The following NCMAP variants were observed in gnomAD, a reference collection of about 807,000 sequenced individuals.
The protein encoded by NCMAP is non-compact myelin associated protein.
Under a neutral mutation model 7.8 loss-of-function variants are expected in NCMAP, and 8 were observed. The observed-to-expected ratio is 1.02, with a 90% CI of 0.60 to 1.84. NCMAP has a LOEUF of 1.84. Among genes scored for constraint, NCMAP ranks in the 40% most tolerant of loss-of-function variants. The probability of loss-of-function intolerance (pLI) is 0.00; values close to 1 mark genes in which losing one functional copy is unlikely to be tolerated. For missense variants in NCMAP, 112 were observed against 131.4 expected, an observed-to-expected ratio of 0.85 and a Z score of 0.72; for synonymous variants, 41 against 52.9, an observed-to-expected ratio of 0.78 and a Z score of 0.98.
At chr1:24,598,869 C>G (rs1293904801) in intron 2 of NCMAP, among the ~76,000 whole-genome samples, 1 of 151,108 alleles carries the variant, frequency 6.6e-6, no homozygotes, top group Non-Finnish European at 1.5e-5. Flanking sequence ...AACTCCTGAC[C>G]TCAGGTGATC....
In NCMAP at chr1:24,578,548, T is replaced by TTTTC. The variant is rs1187740917; in HGVS notation, c.-7-16864_-7-16861dup. ...GTTGGGGGAGGGAGCTTAGTTTTCT[T>TTTTC]TTTCTTTCTTTCTTTTTTTTTTTTT... is the stretch of plus-strand genomic sequence containing the variant. On this transcript the variant is annotated intron_variant, in intron 1 of 3. Coordinates refer to ENST00000374392, the MANE Select transcript of NCMAP (RefSeq NM_001010980.5). 1.1e-3 allele frequency among the ~76,000 whole-genome samples: 155 copies of TTTTC among 143,768 alleles called. 3 individuals are homozygous for TTTTC. The Middle Eastern group carries it at 0.011, about 10-fold the overall frequency. The allele number at this position is 143,768 out of a possible 152,430, so 94.3% of individuals were successfully genotyped here.
chr1:24,571,411 G>T (rs1651385866), intron 1 of NCMAP, among the ~76,000 whole-genome samples: 1 of 148,378 alleles, frequency 6.7e-6, no homozygotes, highest in East Asian at 2.0e-4. Context: ...GGAGGCAGAG[G>T]TTGCTGTGAG....
rs996081232 is a variant in NCMAP, at chr1:24,605,927, A to G, written c.*180A>G. On this transcript the variant is annotated 3_prime_UTR_variant, in exon 4 of 4. Coordinates refer to ENST00000374392, the MANE Select transcript of NCMAP (RefSeq NM_001010980.5). ...ACCTTGTCTGCCCTGCCCTACCCCAACTGTGTCCACATCCCTGCCGCCACC... is the reference window on the plus strand; with the variant it reads ...ACCTTGTCTGCCCTGCCCTACCCCAGCTGTGTCCACATCCCTGCCGCCACC... 15 of 657,692 alleles carry G rather than the reference A, an allele frequency of 2.3e-5. No homozygotes were observed. Among genetic ancestry groups the G allele is most frequent in the Admixed American group, 1.8e-4 (6 of 32,462 alleles). The allele number at this position is 657,692 out of a possible 1,614,324, so 40.7% of individuals were successfully genotyped here.
intron 1 of NCMAP, among the ~76,000 whole-genome samples, chr1:24,567,597 A>C (rs1223821082): frequency 6.6e-6 from 1 of 152,188 alleles, no homozygotes; most frequent in Non-Finnish European, 1.5e-5. Context: ...TGAGTGTAAC[A>C]AGAAGGAACT....
chr1:24,600,174 A>G (rs184364886), intron 2 of NCMAP, among the ~76,000 whole-genome samples: 202 of 149,538 alleles, frequency 1.4e-3, no homozygotes, highest in African/African-American at 4.8e-3. Context: ...TTTTTGAGAT[A>G]GAGTCTTGCT....
At chr1:24,589,854 G>T (rs914749066) in intron 1 of NCMAP, among the ~76,000 whole-genome samples, 3 of 152,134 alleles carry the variant, frequency 2.0e-5, no homozygotes, top group African/African-American at 7.2e-5. Flanking sequence ...ACAGAGTCTT[G>T]TTCTGTCACC....
chr1:24,566,087 T>C (rs1255861558), intron 1 of NCMAP, among the ~76,000 whole-genome samples: 2 of 152,202 alleles, frequency 1.3e-5, no homozygotes, highest in African/African-American at 4.8e-5. Context: ...TCCTGAGGCC[T>C]CCACAGCCAT....
intron 1 of NCMAP, among the ~76,000 whole-genome samples, chr1:24,585,981 A>G (rs576549535): frequency 6.6e-6 from 1 of 152,204 alleles, no homozygotes; most frequent in South Asian, 2.1e-4. Context: ...TCAAGCTCCA[A>G]AGAGAGCAGG....
intron 1 of NCMAP, among the ~76,000 whole-genome samples, chr1:24,592,671 C>G (rs997181730): frequency 6.6e-5 from 10 of 152,110 alleles, no homozygotes; most frequent in Non-Finnish European, 1.3e-4. Context: ...GTAATCCCAG[C>G]ATTTTGGGAG....
chr1:24,590,965 G>A (rs9328948), intron 1 of NCMAP, among the ~76,000 whole-genome samples: 3 of 152,168 alleles, frequency 2.0e-5, no homozygotes, highest in African/African-American at 7.2e-5. Context: ...GGGAGAGGCA[G>A]TTCGTTTTAC....
intron 1 of NCMAP, among the ~76,000 whole-genome samples, chr1:24,582,703 A>G (rs1044657985): frequency 2.6e-5 from 4 of 152,240 alleles, no homozygotes; most frequent in Non-Finnish European, 5.9e-5. Flanking sequence ...ATTTTAGCCC[A>G]CTAAGGCCAA....
At chr1:24,602,457 C>A (rs1219063312) in intron 3 of NCMAP, among the ~76,000 whole-genome samples, 1 of 144,638 alleles carries the variant, frequency 6.9e-6, no homozygotes, top group African/African-American at 2.8e-5. Flanking sequence ...GTAGTCCCAG[C>A]TACTCGGGAG....
chr1:24,588,846 G>A (rs1651963000), intron 1 of NCMAP, among the ~76,000 whole-genome samples: 1 of 152,142 alleles, frequency 6.6e-6, no homozygotes, highest in African/African-American at 2.4e-5. Flanking sequence ...CTGGGGCAAG[G>A]GCCCTCGTCT....
chr1:24,596,752 T>C (rs1652242904), intron 2 of NCMAP, among the ~76,000 whole-genome samples: 1 of 152,106 alleles, frequency 6.6e-6, no homozygotes, highest in Non-Finnish European at 1.5e-5. Context: ...CAAAAAAACA[T>C]CCCATCAACT....
chr1:24,560,493 G>A (rs1254289438), intron 1 of NCMAP, among the ~76,000 whole-genome samples: 3 of 152,186 alleles, frequency 2.0e-5, no homozygotes, highest in South Asian at 2.1e-4. Flanking sequence ...ATGTGGGCCC[G>A]GGGTGTTGGC....
In NCMAP at chr1:24,597,663, GAA is replaced by G. The variant is rs1167251626; in HGVS notation, c.82+2153_82+2154del. ...AGAAAGAAAGAAAGAAAGAAAGAAA[GAA>G]AGAAAGAAAAGAAAAAGAAAGAAAG... On this transcript the variant is annotated intron_variant, in intron 2 of 3. Transcript: ENST00000374392. 3.3e-4 allele frequency among the ~76,000 whole-genome samples: 45 copies of G among 137,410 alleles called. 1 individual carries two copies. The highest frequency in any genetic ancestry group is 8.3e-3 in the Middle Eastern group (2 of 242). The allele number at this position is 137,410 out of a possible 152,430, so 90.1% of individuals were successfully genotyped here. A position where few individuals can be genotyped will look rare whatever the true frequency, so the allele number is the denominator to read the frequency against.
At chr1:24,585,736 C>T (rs1012664714) in intron 1 of NCMAP, among the ~76,000 whole-genome samples, 1 of 152,174 alleles carries the variant, frequency 6.6e-6, no homozygotes, top group African/African-American at 2.4e-5. Context: ...GCCCCTGTGT[C>T]CCACCGGTCC....
At chr1:24,595,165 G>C (rs1652179280) in intron 1 of NCMAP, among the ~76,000 whole-genome samples, 1 of 152,180 alleles carries the variant, frequency 6.6e-6, no homozygotes, top group African/African-American at 2.4e-5. Context: ...GATTGATCCA[G>C]ATATTTGAAG....
At chr1:24,559,187 G>A (rs1016115659) in intron 1 of NCMAP, among the ~76,000 whole-genome samples, 8 of 152,332 alleles carry the variant, frequency 5.3e-5, no homozygotes, top group Middle Eastern at 3.4e-3. Context: ...AGCAGCGGCC[G>A]GTTTGTTTGT....
Sources: allele counts gnomAD v4.1 joint callset (sites outside exome capture counted in the v4.1 genomes callset), GRCh38; gene constraint gnomAD v4.1.1; transcripts MANE v1.5; gene names NCBI Gene and HGNC (gene_info 2026-07-23, HGNC 2026-07-21).